Variants in PUM1 observed in about 807,000 individuals in gnomAD.
PUM1 encodes pumilio RNA binding family member 1.
In PUM1, 13 loss-of-function variants were observed where a neutral mutation model predicts 131.8. That is an observed-to-expected ratio of 0.10 (90% CI 0.06 to 0.16). PUM1 has a LOEUF of 0.16. Ranked by LOEUF, PUM1 falls within the 10% of genes least tolerant of loss-of-function variation. The pLI is 1.00. For missense variants in PUM1, 961 were observed against 1,512.4 expected (o/e 0.64, Z 6.05); for synonymous variants, 509 against 556.5 (o/e 0.91, Z 1.20).
intron 2 of PUM1, among the ~76,000 whole-genome samples, chr1:31,053,895 GACT>G (rs1557607419): frequency 2.6e-5 from 4 of 152,032 alleles, no homozygotes; most frequent in Non-Finnish European, 4.4e-5. Context: ...AGGAGTTCGA[GACT>G]AGCCTGGCCA....
In PUM1 at chr1:30,945,258, T is replaced by C. The variant is rs1294997555; in HGVS notation, c.2994+88A>G. 2.7e-6 allele frequency: 4 copies of C among 1,457,078 alleles called. No homozygotes were observed. In the South Asian group the frequency reaches 4.7e-5, roughly 17 times the overall value. 90.3% of individuals were successfully genotyped at this position (1,457,078 alleles called of 1,614,324 possible). On this transcript the variant is annotated intron_variant, in intron 18 of 21. Coordinates refer to ENST00000426105, the MANE Select transcript of PUM1 (RefSeq NM_001020658.2). ...CAAAAAAAATAAAGTACATTAAGCA[T>C]ATTGAGAACATGCCACAAATCCTAC...
chr1:31,051,380 C>G (rs1307571002), intron 2 of PUM1, among the ~76,000 whole-genome samples: 1 of 151,724 alleles, frequency 6.6e-6, no homozygotes, highest in East Asian at 1.9e-4. Context: ...CTCGGCTCAC[C>G]GCAAACTCTG....
In PUM1 at chr1:30,974,278, A is replaced by G. The variant is rs369702199; in HGVS notation, c.1506+373T>C. ...CAAATAAGCAGTCTAAAAATCTAGT[A>G]CCCCTGCTTTAGTGTCAAGCCCCTT... On this transcript the variant is annotated intron_variant, in intron 10 of 21. Coordinates refer to ENST00000426105, the MANE Select transcript of PUM1 (RefSeq NM_001020658.2). Among the ~76,000 whole-genome samples, 115 of 152,266 alleles carry G rather than the reference A, an allele frequency of 7.6e-4. 1 individual carries two copies. The highest frequency in any genetic ancestry group is 2.6e-3 in the African/African-American group (109 of 41,546).
In PUM1 at chr1:30,967,246, G is replaced by T. The variant is rs151315144; in HGVS notation, c.1710C>A (p.Gly570=). Residue 570 remains glycine (G), a synonymous_variant, in exon 12 of 22, where the codon GGC becomes GGA. Coordinates refer to ENST00000426105, the MANE Select transcript of PUM1 (RefSeq NM_001020658.2). ...DQTGALVVNA[G]ARNGLGAPVR... is the part of the protein sequence containing the mutation. ...CAGGAGCTCCAAGACCATTTCTCGC[G>T]CCTGCATTCACTACAAGGGCACCAG... 3.1e-6 allele frequency: 5 copies of T among 1,613,822 alleles called. No homozygotes were observed. The African/African-American group carries it at 6.7e-5, about 22-fold the overall frequency.
At chr1:30,974,564 G>A in intron 10 of PUM1, 87 bp downstream of exon 10, 1 of 1,315,984 alleles carries the variant, frequency 7.6e-7, no homozygotes, top group Non-Finnish European at 1.0e-6. Context: ...CATTCACAGT[G>A]TTTTTCTATT....
At chr1:31,020,883 G>C (rs1642995774) in intron 3 of PUM1, among the ~76,000 whole-genome samples, 1 of 152,166 alleles carries the variant, frequency 6.6e-6, no homozygotes, top group Admixed American at 6.5e-5. Flanking sequence ...CAATGGATTT[G>C]CTTTGATGTT....
intron 5 of PUM1, among the ~76,000 whole-genome samples, chr1:30,999,305 T>C (rs916210858): frequency 3.9e-5 from 6 of 152,126 alleles, no homozygotes; most frequent in African/African-American, 1.4e-4. Flanking sequence ...TAGCCCAGTC[T>C]TTTAAAAAAA....
intron 9 of PUM1, 69 bp from the exon 10 acceptor site, chr1:30,974,871 A>G (rs529462744): frequency 1.2e-5 from 15 of 1,256,286 alleles, no homozygotes; most frequent in Non-Finnish European, 1.6e-5. Context: ...TTCCAAAATT[A>G]CATCTGACTC....
In PUM1 at chr1:31,034,008, T is replaced by C. The variant is rs192018570; in HGVS notation, c.364-5144A>G. On this transcript the variant is annotated intron_variant, in intron 2 of 21. Transcript: ENST00000426105. ...AATTGTAAGAAGTTAATGATCCAAA[T>C]AGAAATTCAATTATTTGAATAATTA... Among the ~76,000 whole-genome samples the C allele has an allele frequency of 3.3e-5, 5 of 152,294 alleles. No homozygotes were observed. In the East Asian group the frequency reaches 5.8e-4, roughly 18 times the overall value.
intron 3 of PUM1, among the ~76,000 whole-genome samples, chr1:31,028,009 G>A (rs1570304592): frequency 1.3e-5 from 2 of 152,246 alleles, no homozygotes; most frequent in East Asian, 3.9e-4. Context: ...TCACTTGTGG[G>A]CCTGTGGTAT....
At chr1:30,939,553 T>C (rs1341927631) in intron 20 of PUM1, among the ~76,000 whole-genome samples, 1 of 152,240 alleles carries the variant, frequency 6.6e-6, no homozygotes, top group Admixed American at 6.5e-5. Flanking sequence ...AGTGCAATTC[T>C]CTTCTTCCAA....
At chr1:31,017,476 T>C (rs1320511287) in intron 3 of PUM1, among the ~76,000 whole-genome samples, 2 of 152,204 alleles carry the variant, frequency 1.3e-5, no homozygotes, top group Middle Eastern at 3.4e-3. Flanking sequence ...TACAAATTCA[T>C]ACACTTGCTT....
At chr1:30,996,325 G>A (rs1240731061) in intron 5 of PUM1, among the ~76,000 whole-genome samples, 1 of 152,174 alleles carries the variant, frequency 6.6e-6, no homozygotes, top group Non-Finnish European at 1.5e-5. Flanking sequence ...AGCATTCCCA[G>A]TCACCAAAAC....
At chr1:31,006,276 G>T (rs74496954) in intron 4 of PUM1, among the ~76,000 whole-genome samples, 6,593 of 152,228 alleles carry the variant, frequency 0.043, 433 homozygotes, top group African/African-American at 0.15. Flanking sequence ...AACTAGCTGA[G>T]TGGATAAAAT....
Position 30,969,668 on chromosome 1 carries a change from G to A in PUM1, c.1507-1176C>T, listed in dbSNP as rs112447683. 7.7e-4 allele frequency among the ~76,000 whole-genome samples: 117 copies of A among 151,552 alleles called. 1 individual carries two copies. Among genetic ancestry groups the A allele is most frequent in the African/African-American group, 2.7e-3 (110 of 41,274 alleles). On this transcript the variant is annotated intron_variant, in intron 10 of 21. Coordinates refer to ENST00000426105, the MANE Select transcript of PUM1 (RefSeq NM_001020658.2). The stretch of plus-strand genomic sequence containing the variant: ...TTTTTTTTGGTGGGCGGCGGGTGGC[G>A]CGGAGTGCAGGGAAGAGACAGGGCC...
intron 2 of PUM1, among the ~76,000 whole-genome samples, chr1:31,049,771 A>G (rs17342387): frequency 0.018 from 2,790 of 151,474 alleles, 38 homozygotes; most frequent in Non-Finnish European, 0.026. Flanking sequence ...TTTCAGAGGC[A>G]TATATAATCA....
intron 5 of PUM1, among the ~76,000 whole-genome samples, chr1:30,998,206 T>A (rs1215204192): frequency 2.0e-5 from 3 of 152,130 alleles, no homozygotes; most frequent in Non-Finnish European, 4.4e-5. Context: ...CATATTTCAA[T>A]ATAAAGTTTA....
At chr1:31,063,932 C>T (rs1162702061) in intron 1 of PUM1, among the ~76,000 whole-genome samples, 2 of 152,060 alleles carry the variant, frequency 1.3e-5, no homozygotes, top group Non-Finnish European at 2.9e-5. Context: ...AAATACGGCA[C>T]AAAAATTAAA....
At chr1:31,000,364 A>T (rs902020361) in intron 5 of PUM1, among the ~76,000 whole-genome samples, 14 of 152,248 alleles carry the variant, frequency 9.2e-5, no homozygotes, top group Admixed American at 5.2e-4. Context: ...CTCAAATTGC[A>T]AGTGGCCAAG....
Sources: allele counts gnomAD v4.1 joint callset (sites outside exome capture counted in the v4.1 genomes callset), GRCh38; gene constraint gnomAD v4.1.1; transcripts MANE v1.5; gene names NCBI Gene and HGNC (gene_info 2026-07-23, HGNC 2026-07-21).